NSD2: variants seen among roughly 807,000 people sequenced by gnomAD.
NSD2 encodes histone-lysine N-methyltransferase NSD2.
A neutral mutation model predicts 139.0 loss-of-function variants in NSD2; 12 were observed. The ratio of observed to expected loss-of-function variants is 0.09; its 90% confidence interval spans 0.06 to 0.14. The LOEUF (loss-of-function observed/expected upper bound fraction) is 0.14. NSD2 is among the 10% of genes least tolerant of loss of function. The probability of loss-of-function intolerance (pLI) is 1.00; values close to 1 mark genes in which losing one functional copy is unlikely to be tolerated. For missense variants in NSD2, 1,155 were observed against 1,745.0 expected (o/e 0.66, Z 6.02); for synonymous variants, 669 against 648.7 (o/e 1.03, Z -0.48).
At chr4:1,946,384 C>T (rs1723631069) in intron 9 of NSD2, 1 of 457,044 alleles carries the variant, frequency 2.2e-6, no homozygotes, top group Non-Finnish European at 2.9e-6. Context: ...TCTTCTGCCT[C>T]AGCCTCCCGA....
intron 5 of NSD2, 98 bp from the exon 6 acceptor site, chr4:1,930,528 C>CT: frequency 1.5e-6 from 2 of 1,299,812 alleles, no homozygotes; most frequent in South Asian, 1.8e-5. Flanking sequence ...ATGCGACACA[C>CT]TAAGTTCTAA....
chr4:1,876,195 CAG>C (rs1464616193), intron 1 of NSD2, among the ~76,000 whole-genome samples: 8 of 151,128 alleles, frequency 5.3e-5, no homozygotes, highest in Admixed American at 4.0e-4. Context: ...CCCTGGTTGA[CAG>C]AGCAAGACCC....
intron 2 of NSD2, among the ~76,000 whole-genome samples, chr4:1,901,723 C>T (rs1376452372): frequency 6.6e-5 from 10 of 152,182 alleles, no homozygotes; most frequent in South Asian, 4.1e-4. Context: ...GAGGTGCTCC[C>T]GCTGTCCTTA....
In NSD2 at chr4:1,882,229, TGTG is replaced by T. The variant is rs140731423; in HGVS notation, c.-30+10691_-30+10693del. Among the ~76,000 whole-genome samples, 1,114 of 152,262 alleles carry T rather than the reference TGTG, an allele frequency of 7.3e-3. 10 individuals carry two copies. Among genetic ancestry groups the T allele is most frequent in the South Asian group, 0.015 (73 of 4,818 alleles). On this transcript the variant is annotated intron_variant, in intron 1 of 21. Transcript: ENST00000508803. ...ATTGGACAGCCCTGTCTCCTTGAAA[TGTG>T]GTGTGGCCTGTGATTTGCTCTGGCC...
chr4:1,938,385 TTC>T, intron 7 of NSD2, 64 bp from the exon 8 acceptor site: 1 of 1,261,672 alleles, frequency 7.9e-7, no homozygotes, highest in South Asian at 1.8e-5. Context: ...TTCTTTTTTT[TTC>T]CTTTTTTTCT....
chr4:1,975,385 C>A lies in NSD2; in HGVS notation c.3606C>A (p.Leu1202=). 1 of 1,614,078 alleles carries A rather than the reference C, an allele frequency of 6.2e-7. No individual in the cohort carries two copies. The highest frequency in any genetic ancestry group is 8.5e-7 in the Non-Finnish European group (1 of 1,180,000). ...GAGCCTCCAATTGCAGTGGATTCCT[C>A]GGGGATAGACCAAAGGTAAGGCTGT... is the stretch of plus-strand genomic sequence containing the variant. ...RCGASNCSGF[L]GDRPKTSTTL... is the part of the protein sequence containing the mutation. Residue 1202 remains leucine (L), a synonymous_variant, in exon 20 of 22, where the codon CTC becomes CTA. Coordinates refer to ENST00000508803, the MANE Select transcript of NSD2 (RefSeq NM_001042424.3).
rs1365483552 is a variant in NSD2, at chr4:1,948,616, T to A, written c.1882-2456T>A. 9.4e-7 allele frequency: 1 copy of A among 1,062,430 alleles called. No individual in the cohort carries two copies. The highest frequency in any genetic ancestry group is 1.1e-6 in the Non-Finnish European group (1 of 876,598). 65.8% of individuals were successfully genotyped at this position (1,062,430 alleles called of 1,614,324 possible). A position where few individuals can be genotyped will look rare whatever the true frequency, so the allele number is the denominator to read the frequency against. On this transcript the variant is annotated intron_variant, in intron 9 of 21. Transcript: ENST00000508803. This position sits in a 1 kb window ranked among gnomAD's most constrained non-coding sequence, Gnocchi z 4.5. ...TGTCATGGACTGTACTATTGTAAGG[T>A]CTATATTCTGTATGTGGGTCCCAGA...
At position 1,960,978 on chromosome 4, in the gene NSD2, G is replaced by A. The variant is rs1322550964; in HGVS notation, c.3256-57G>A. On this transcript the variant is annotated intron_variant, in intron 17 of 21. Coordinates refer to ENST00000508803, the MANE Select transcript of NSD2 (RefSeq NM_001042424.3). The stretch of plus-strand genomic sequence containing the variant: ...ATCATGATGGGGAGTCTTGAGCCCC[G>A]ACACTGAGGATTGGTCAGCACGCTT... 8 of 1,447,226 alleles carry A rather than the reference G, an allele frequency of 5.5e-6. No individual in the cohort carries two copies. In the African/African-American group the frequency reaches 5.6e-5, roughly 10 times the overall value. 89.6% of individuals were successfully genotyped at this position (1,447,226 alleles called of 1,614,324 possible).
At chr4:1,905,044 C>T (rs1717701252) in intron 3 of NSD2, among the ~76,000 whole-genome samples, 3 of 152,074 alleles carry the variant, frequency 2.0e-5, no homozygotes, top group Admixed American at 6.5e-5. Flanking sequence ...GCAGGAGAAT[C>T]GCTAGAACCC....
chr4:1,978,929 C>T lies in NSD2; in HGVS notation c.*20C>T, dbSNP rs769541254. ...AAATAGCGCCAGGCGGCCGCTTGGCCGGATCCAGGGGCGGTGCAGGGCGGC... is the reference window on the plus strand; with the variant it reads ...AAATAGCGCCAGGCGGCCGCTTGGCTGGATCCAGGGGCGGTGCAGGGCGGC... On this transcript the variant is annotated 3_prime_UTR_variant, in exon 22 of 22. Transcript: ENST00000508803. 346 of 1,477,688 alleles carry T rather than the reference C, an allele frequency of 2.3e-4. 1 individual carries two copies. Among genetic ancestry groups the T allele is most frequent in the Middle Eastern group, 2.3e-4 (1 of 4,364 alleles). 91.5% of individuals were successfully genotyped at this position (1,477,688 alleles called of 1,614,324 possible).
rs1318105646 is a variant in NSD2, at chr4:1,981,328, T to G, written c.*2419T>G. On this transcript the variant is annotated 3_prime_UTR_variant, in exon 22 of 22. Coordinates refer to ENST00000508803, the MANE Select transcript of NSD2 (RefSeq NM_001042424.3). ...CTGAGCTTGCAGGGTTTCTCGCCAC[T>G]GGGGCTGACCACGCCCCCAGCTGTG... 2 of 233,300 alleles carry G rather than the reference T, an allele frequency of 8.6e-6. No homozygotes were observed. Among genetic ancestry groups the G allele is most frequent in the African/African-American group, 4.4e-5 (2 of 45,346 alleles). 14.5% of individuals were successfully genotyped at this position (233,300 alleles called of 1,614,324 possible).
In NSD2 at chr4:1,955,087, A is replaced by T. The variant is rs532281545; in HGVS notation, c.2339-74A>T. ...CTTTTCAAATTCATGGAGGCTGAGT[A>T]ATTATTAGTTGCTCTTTTCACTATG... On this transcript the variant is annotated intron_variant, in intron 12 of 21. Transcript: ENST00000508803. The surrounding 1 kb of genome is among the most constrained non-coding windows in gnomAD (Gnocchi z 4.7). 3.5e-6 allele frequency: 5 copies of T among 1,416,786 alleles called. No homozygotes were observed. The African/African-American group carries it at 7.1e-5, about 20-fold the overall frequency. The allele number at this position is 1,416,786 out of a possible 1,614,324, so 87.8% of individuals were successfully genotyped here.
intron 3 of NSD2, among the ~76,000 whole-genome samples, chr4:1,907,615 C>CTTTT (rs765535552): frequency 0.012 from 1,113 of 93,702 alleles, 2 homozygotes; most frequent in Non-Finnish European, 0.016. Flanking sequence ...TGTTGAATCT[C>CTTTT]TTTTTTTTTT....
At chr4:1,905,302 G>A (rs1421684105) in intron 3 of NSD2, among the ~76,000 whole-genome samples, 1 of 152,252 alleles carries the variant, frequency 6.6e-6, no homozygotes, top group African/African-American at 2.4e-5. Flanking sequence ...TGTGGCGAGT[G>A]CGGAGTTAGA....
intron 1 of NSD2, among the ~76,000 whole-genome samples, chr4:1,899,960 T>G (rs558291397): frequency 6.6e-6 from 1 of 152,358 alleles, no homozygotes; most frequent in African/African-American, 2.4e-5. Context: ...ATAAGAATAC[T>G]GGGTTGAGCA....
Position 1,975,297 on chromosome 4 carries a change from C to G in NSD2, c.3518C>G (p.Thr1173Arg), listed in dbSNP as rs201530243. ...TGTCTGTCTCCTCTTCTCCCAGGGA[C>G]GGAGCTGACTTTTAACTACAACCTC... ...LFAVCDIPAGTELTFNYNLDC... is the reference protein window; with the variant it reads ...LFAVCDIPAGRELTFNYNLDC... Residue 1173 changes from threonine (T) to arginine (R), a missense_variant, in exon 20 of 22, where the codon ACG (threonine) becomes AGG (arginine). By Grantham distance (71) the Thr-to-Arg change is moderately conservative (BLOSUM62 -1). Transcript: ENST00000508803. 3.1e-6 allele frequency: 5 copies of G among 1,613,976 alleles called. No individual in the cohort carries two copies. The highest frequency in any genetic ancestry group is 2.2e-5 in the South Asian group (2 of 91,078).
In NSD2 at chr4:1,976,989, G is replaced by A. The variant is rs150897030; in HGVS notation, c.3826+310G>A. 2.6e-3 allele frequency among the ~76,000 whole-genome samples: 395 copies of A among 152,358 alleles called. 2 individuals are homozygous for A. The highest frequency in any genetic ancestry group is 9.3e-3 in the African/African-American group (385 of 41,586). ...CTCATCCATGCTGTGGGGGCGGGGC[G>A]GCCAGGAAGGAGGCGACGCTGGGAA... On this transcript the variant is annotated intron_variant, in intron 21 of 21. Coordinates refer to ENST00000508803, the MANE Select transcript of NSD2 (RefSeq NM_001042424.3). This position sits in a 1 kb window ranked among gnomAD's most constrained non-coding sequence, Gnocchi z 5.3.
At chr4:1,952,658 T>G in intron 11 of NSD2, 4 of 996,880 alleles carry the variant, frequency 4.0e-6, no homozygotes, top group Non-Finnish European at 4.9e-6. Context: ...GAAGACACAG[T>G]GTCACCTTGA....
rs1723817903 is a variant in NSD2 at position 1,948,032 on chromosome 4, C to T, written c.1882-3040C>T. The stretch of plus-strand genomic sequence containing the variant: ...GTTTGGTAATATCATCTTGAAAAGT[C>T]CCTGTAATAGATCAAGGAGACTGCA... On this transcript the variant is annotated intron_variant, in intron 9 of 21. Transcript: ENST00000508803. The surrounding 1 kb of genome is among the most constrained non-coding windows in gnomAD (Gnocchi z 4.5). 1 of 1,056,290 alleles carries T rather than the reference C, an allele frequency of 9.5e-7. No individual in the cohort carries two copies. Among genetic ancestry groups the T allele is most frequent in the African/African-American group, 1.7e-5 (1 of 60,532 alleles). The allele number at this position is 1,056,290 out of a possible 1,614,324, so 65.4% of individuals were successfully genotyped here. A position where few individuals can be genotyped will look rare whatever the true frequency, so the allele number is the denominator to read the frequency against.
Sources: allele counts gnomAD v4.1 joint callset (sites outside exome capture counted in the v4.1 genomes callset), GRCh38; gene constraint gnomAD v4.1.1; non-coding constraint Gnocchi (gnomAD v3.1); transcripts MANE v1.5; gene names NCBI Gene and HGNC (gene_info 2026-07-23, HGNC 2026-07-21).